The following P3H2 variants were observed in gnomAD, a reference collection of about 807,000 sequenced individuals.
P3H2 encodes leprecan-like 1.
Under a neutral mutation model 87.0 loss-of-function variants are expected in P3H2, and 80 were observed. The ratio of observed to expected loss-of-function variants is 0.92; its 90% CI spans 0.77 to 1.11. The LOEUF (loss-of-function observed/expected upper bound fraction) is 1.11, where lower values mean the gene tolerates loss of function less well. P3H2 is among the 50% of genes least tolerant of loss of function. The probability of loss-of-function intolerance (pLI) is 0.00; values close to 1 mark genes in which losing one functional copy is unlikely to be tolerated. For synonymous variants in P3H2, 367 were observed against 359.3 expected, an observed-to-expected ratio of 1.02 and a Z score of -0.24; for missense variants, 1,001 against 923.9, an observed-to-expected ratio of 1.08 and a Z score of -1.08.
Position 189,983,179 on chromosome 3 carries a change from G to C in P3H2, c.1230-39C>G, listed in dbSNP as rs76256825. 3.5e-3 allele frequency: 4,980 copies of C among 1,441,938 alleles called. 108 individuals carry two copies. In the Admixed American group the frequency reaches 0.05, roughly 15 times the overall value. The allele number at this position is 1,441,938 out of a possible 1,614,324, so 89.3% of individuals were successfully genotyped here. On this transcript the variant is annotated intron_variant, in intron 7 of 14. Coordinates refer to ENST00000319332, the MANE Select transcript of P3H2 (RefSeq NM_018192.4). ...AAATTTAAAATGGCAATTTGTCATT[G>C]AATAACGATGTTCAAAGGCAAAGAA...
chr3:190,005,512 T>C (rs1724361757), intron 1 of P3H2, among the ~76,000 whole-genome samples: 1 of 152,250 alleles, frequency 6.6e-6, no homozygotes, highest in Non-Finnish European at 1.5e-5. Context: ...TCCAACATGC[T>C]TGGTCTCCCT....
At chr3:189,966,062 AAGAG>A (rs780144539) in intron 13 of P3H2, among the ~76,000 whole-genome samples, 1 of 128,468 alleles carries the variant, frequency 7.8e-6, no homozygotes, top group Non-Finnish European at 1.6e-5. Flanking sequence ...GAAAGAAAGA[AAGAG>A]AAAGAAGGAA....
intron 1 of P3H2, among the ~76,000 whole-genome samples, chr3:190,070,225 A>ATTG (rs1296212906): frequency 2.7e-5 from 4 of 150,926 alleles, no homozygotes; most frequent in Admixed American, 6.6e-5. Flanking sequence ...TATTATTGTT[A>ATTG]TCATTATTAT....
intron 6 of P3H2, among the ~76,000 whole-genome samples, chr3:189,985,562 A>G (rs1483613474): frequency 6.6e-6 from 1 of 150,534 alleles, no homozygotes; most frequent in Non-Finnish European, 1.5e-5. Context: ...GCAAATAAAT[A>G]ATTCCAAGAG....
At chr3:190,033,418 G>T (rs534728102) in intron 1 of P3H2, among the ~76,000 whole-genome samples, 3 of 152,288 alleles carry the variant, frequency 2.0e-5, no homozygotes, top group African/African-American at 7.2e-5. Flanking sequence ...ATCTGTGAAA[G>T]AAAATAAAAT....
At chr3:190,082,424 C>G (rs965749483) in intron 1 of P3H2, among the ~76,000 whole-genome samples, 1 of 152,048 alleles carries the variant, frequency 6.6e-6, no homozygotes, top group African/African-American at 2.4e-5. Flanking sequence ...CCCAAAGATT[C>G]TTGTTTTAAA....
At chr3:190,103,950 T>A (rs1198243440) in intron 1 of P3H2, among the ~76,000 whole-genome samples, 1 of 151,844 alleles carries the variant, frequency 6.6e-6, no homozygotes, top group Non-Finnish European at 1.5e-5. Flanking sequence ...CGCCACCACA[T>A]CTGGCTAATT....
chr3:190,038,085 G>A (rs978200393), intron 1 of P3H2, among the ~76,000 whole-genome samples: 2 of 152,040 alleles, frequency 1.3e-5, no homozygotes, highest in Non-Finnish European at 2.9e-5. Context: ...AAATCTAAGA[G>A]AAAATTAGAT....
intron 1 of P3H2, among the ~76,000 whole-genome samples, chr3:190,011,971 T>C (rs1724603197): frequency 6.6e-6 from 1 of 152,192 alleles, no homozygotes; most frequent in African/African-American, 2.4e-5. Flanking sequence ...AATTTTTTTC[T>C]TGTTTTCTAA....
intron 1 of P3H2, among the ~76,000 whole-genome samples, chr3:190,071,505 A>T (rs2108973130): frequency 6.6e-6 from 1 of 152,328 alleles, no homozygotes; most frequent in South Asian, 2.1e-4. Context: ...AGTAGCAGAA[A>T]AGTTAAAAAT....
intron 1 of P3H2, among the ~76,000 whole-genome samples, chr3:190,030,548 C>T (rs1725221238): frequency 6.6e-6 from 1 of 151,928 alleles, no homozygotes; most frequent in African/African-American, 2.4e-5. Flanking sequence ...AGAGTGAGAC[C>T]CTGTCTCAAA....
chr3:190,008,914 T>G (rs1415313815), intron 1 of P3H2, among the ~76,000 whole-genome samples: 2 of 152,022 alleles, frequency 1.3e-5, no homozygotes, highest in Admixed American at 1.3e-4. Context: ...TAGGGTTAAG[T>G]AAGGGCCCTT....
chr3:189,974,551 T>A lies in P3H2; in HGVS notation c.1452+7A>T, dbSNP rs115626519. The A allele has an allele frequency of 2.1e-3, 3,364 of 1,613,382 alleles. 61 individuals carry two copies. The African/African-American group carries it at 0.039, about 19-fold the overall frequency. On this transcript the variant is annotated splice_region_variant and intron_variant, in intron 9 of 14. Transcript: ENST00000319332. ...CAGTGAGCTCCCCTCCTTCTCCGGATCCTCACACTGGCCACGCTGTGGAGC... is the reference window on the plus strand; with the variant it reads ...CAGTGAGCTCCCCTCCTTCTCCGGAACCTCACACTGGCCACGCTGTGGAGC...
Position 189,974,622 on chromosome 3 carries a change from T to G in P3H2, c.1388A>C (p.Gln463Pro). 1.1e-5 allele frequency: 18 copies of G among 1,614,034 alleles called. No individual in the cohort carries two copies. The highest frequency in any genetic ancestry group is 1.4e-5 in the Non-Finnish European group (17 of 1,179,886). ...CAGGACGTTATCCAGGAGAACCCGC[T>G]GAGTCCCGTTCAGCTGCTCCGAGTT... is the stretch of plus-strand genomic sequence containing the variant. ...VYNSEQLNGT[Q>P]RVLLDNVLSE... The change falls in exon 9 of 15, where the codon CAG (glutamine) becomes CCG (proline). Residue 463 changes from glutamine (Q) to proline (P), a missense_variant. By Grantham distance (76) the Gln-to-Pro change is moderately conservative. Coordinates refer to ENST00000319332, the MANE Select transcript of P3H2 (RefSeq NM_018192.4).
chr3:189,977,708 C>T (rs1341451907), intron 8 of P3H2, among the ~76,000 whole-genome samples: 1 of 151,884 alleles, frequency 6.6e-6, no homozygotes, highest in Non-Finnish European at 1.5e-5. Flanking sequence ...TCAAGCAATC[C>T]TCCCACCTCA....
At chr3:190,000,512 G>A (rs1560356221) in intron 1 of P3H2, among the ~76,000 whole-genome samples, 1 of 152,214 alleles carries the variant, frequency 6.6e-6, no homozygotes, top group South Asian at 2.1e-4. Context: ...TAAGTGCTAT[G>A]AAGAAATAAT....
intron 1 of P3H2, among the ~76,000 whole-genome samples, chr3:190,027,744 T>C (rs1725127274): frequency 6.6e-6 from 1 of 152,006 alleles, no homozygotes; most frequent in African/African-American, 2.4e-5. Flanking sequence ...AAAATATTAT[T>C]TTCTATCACT....
intron 1 of P3H2, chr3:190,116,544 G>C (rs972549102): frequency 2.6e-5 from 4 of 152,218 alleles, no homozygotes; most frequent in African/African-American, 9.7e-5. Context: ...AAGAGATGCA[G>C]AAGTGTCAGG....
At chr3:190,010,002 G>C (rs974382420) in intron 1 of P3H2, among the ~76,000 whole-genome samples, 1 of 152,106 alleles carries the variant, frequency 6.6e-6, no homozygotes, top group African/African-American at 2.4e-5. Flanking sequence ...AGATGACTAG[G>C]AGCCTAAGTC....
Sources: gnomAD v4.1 joint callset for allele counts (sites outside exome capture counted in the v4.1 genomes callset) on GRCh38, gnomAD v4.1.1 for gene constraint, MANE v1.5 for transcripts, NCBI Gene and HGNC (gene_info 2026-07-23, HGNC 2026-07-21) for gene names.